Variants in ATP6V1C2 observed in about 807,000 individuals in gnomAD.
The protein encoded by ATP6V1C2 is ATPase H+ transporting V1 subunit C2.
ATP6V1C2 carries 45 observed loss-of-function variants against 56.8 expected under a neutral mutation model. The observed-to-expected ratio is 0.79, with a 90% CI of 0.62 to 1.02. ATP6V1C2 has a LOEUF of 1.02. Among genes scored for constraint, ATP6V1C2 ranks in the 50% least tolerant of loss-of-function variants. ATP6V1C2 has a pLI of 0.00. For missense variants in ATP6V1C2, 463 were observed against 519.7 expected, an observed-to-expected ratio of 0.89 and a Z score of 1.06; for synonymous variants, 220 against 201.3, an observed-to-expected ratio of 1.09 and a Z score of -0.79.
chr2:10,765,442 C>G (rs1664164076), intron 5 of ATP6V1C2, among the ~76,000 whole-genome samples: 1 of 152,254 alleles, frequency 6.6e-6, no homozygotes, highest in Admixed American at 6.5e-5. Flanking sequence ...GAGTCTCGGC[C>G]TGGGCCAGGA....
intron 12 of ATP6V1C2, among the ~76,000 whole-genome samples, chr2:10,779,662 G>A (rs1273426085): frequency 1.4e-5 from 2 of 143,150 alleles, no homozygotes; most frequent in Admixed American, 7.0e-5. Context: ...CTCGAGCCTG[G>A]GCAACAAGAG....
intron 8 of ATP6V1C2, among the ~76,000 whole-genome samples, chr2:10,774,073 A>G (rs1371125555): frequency 1.3e-5 from 2 of 152,262 alleles, no homozygotes; most frequent in African/African-American, 4.8e-5. Context: ...CTGGCCTCCC[A>G]GACCAGAGCC....
chr2:10,745,248 G>A (rs759457301), intron 3 of ATP6V1C2, among the ~76,000 whole-genome samples: 1 of 151,044 alleles, frequency 6.6e-6, no homozygotes, highest in South Asian at 2.1e-4. Flanking sequence ...ATGTTGGCCA[G>A]GCTCGTCTCA....
In ATP6V1C2 at chr2:10,731,058, C is replaced by T. The variant is rs187474263; in HGVS notation, c.197+4489C>T. Among the ~76,000 whole-genome samples the T allele has an allele frequency of 1.2e-3, 183 of 152,156 alleles. 1 individual carries two copies. The highest frequency in any genetic ancestry group is 3.1e-3 in the Admixed American group (48 of 15,278). ...CCTCCACCTCTCTGGCTCAAGTGAT[C>T]CTCCCGCCTCAGCCTCTCAAGTAGC... On this transcript the variant is annotated intron_variant, in intron 3 of 13. Transcript: ENST00000272238.
intron 3 of ATP6V1C2, among the ~76,000 whole-genome samples, chr2:10,751,203 G>A (rs1392097330): frequency 3.9e-5 from 6 of 152,090 alleles, no homozygotes; most frequent in Non-Finnish European, 8.8e-5. Context: ...AGAGGATTGA[G>A]GTCACTGGAA....
At chr2:10,776,524 CAA>C (rs1293080726) in intron 10 of ATP6V1C2, among the ~76,000 whole-genome samples, 9 of 152,188 alleles carry the variant, frequency 5.9e-5, no homozygotes, top group Non-Finnish European at 1.3e-4. Context: ...AGCTGAGCTC[CAA>C]AGTGTTTTCT....
chr2:10,735,258 C>A (rs1004045447), intron 3 of ATP6V1C2, among the ~76,000 whole-genome samples: 2 of 152,164 alleles, frequency 1.3e-5, no homozygotes, highest in African/African-American at 2.4e-5. Flanking sequence ...CTACCTCCCC[C>A]TCCTGGGTTC....
At position 10,774,959 on chromosome 2, in the gene ATP6V1C2, A is replaced by AT; in HGVS notation, c.732-18dup. 1 of 1,613,454 alleles carries AT rather than the reference A, an allele frequency of 6.2e-7. No individual in the cohort carries two copies. Among genetic ancestry groups the AT allele is most frequent in the Non-Finnish European group, 8.5e-7 (1 of 1,179,382 alleles). ...CTGGAAAGCTTCTGAGTGAAAACCC[A>AT]TGATTTGCTTGTTTTAAGGTTCACT... On this transcript the variant is annotated intron_variant, in intron 9 of 13. Coordinates refer to ENST00000272238, the MANE Select transcript of ATP6V1C2 (RefSeq NM_001039362.2).
At chr2:10,738,933 C>T (rs768378717) in intron 3 of ATP6V1C2, among the ~76,000 whole-genome samples, 14 of 152,186 alleles carry the variant, frequency 9.2e-5, no homozygotes, top group African/African-American at 2.2e-4. Context: ...CTTCTCAGCA[C>T]GTCCATCGAA....
At chr2:10,778,398 C>T in intron 11 of ATP6V1C2, 174 bp from the exon 12 acceptor site, 2 of 619,700 alleles carry the variant, frequency 3.2e-6, no homozygotes, top group South Asian at 3.9e-5. Flanking sequence ...ACCAGGTGCC[C>T]TGGACCTCGA....
chr2:10,756,653 G>A (rs1299353445), intron 4 of ATP6V1C2, among the ~76,000 whole-genome samples: 1 of 152,094 alleles, frequency 6.6e-6, no homozygotes, highest in Non-Finnish European at 1.5e-5. Flanking sequence ...GGGAGGCGGA[G>A]GTTGCAGTGA....
At chr2:10,772,089 C>T (rs1301399136) in intron 7 of ATP6V1C2, 152 bp downstream of exon 7, 3 of 697,690 alleles carry the variant, frequency 4.3e-6, no homozygotes, top group Non-Finnish European at 7.5e-6. Context: ...CTGCCTGCGG[C>T]TGTCAGTAGG....
intron 3 of ATP6V1C2, chr2:10,744,294 G>A (rs1319823548): frequency 1.3e-5 from 2 of 152,212 alleles, no homozygotes; most frequent in East Asian, 3.8e-4. Flanking sequence ...TCTCTAGTGA[G>A]GCTGTACCAA....
At position 10,779,429 on chromosome 2, in the gene ATP6V1C2, AT is replaced by A. The variant is rs1226831524; in HGVS notation, c.1061+761del. Among the ~76,000 whole-genome samples the A allele has an allele frequency of 6.9e-3, 467 of 68,064 alleles. 3 individuals are homozygous for A. Among genetic ancestry groups the A allele is most frequent in the African/African-American group, 0.017 (424 of 24,324 alleles). 44.7% of individuals were successfully genotyped at this position (68,064 alleles called of 152,430 possible). A position where few individuals can be genotyped will look rare whatever the true frequency, so the allele number is the denominator to read the frequency against. On this transcript the variant is annotated intron_variant, in intron 12 of 13. Coordinates refer to ENST00000272238, the MANE Select transcript of ATP6V1C2 (RefSeq NM_001039362.2). Reference sequence around the variant, plus strand: ...CGGCCTTTGCCTAATAAAAAAAAAAATATATATATATATGTATGTATATATA... The same window carrying A: ...CGGCCTTTGCCTAATAAAAAAAAAAAATATATATATATGTATGTATATATA...
At chr2:10,778,499 A>G in intron 11 of ATP6V1C2, 73 bp from the exon 12 acceptor site, 1 of 1,452,112 alleles carries the variant, frequency 6.9e-7, no homozygotes, top group Non-Finnish European at 9.6e-7. Flanking sequence ...CTCTGTCAAA[A>G]CCCAAGTCCT....
rs913380950 is a variant in ATP6V1C2, at chr2:10,769,149, G to A, written c.470+339G>A. Reference sequence around the variant, plus strand: ...TGCACGGAGGGCCCCCAGGGGTGACGGGAGGCCAGGATGTCAGCGCACGGC... The same window carrying A: ...TGCACGGAGGGCCCCCAGGGGTGACAGGAGGCCAGGATGTCAGCGCACGGC... On this transcript the variant is annotated intron_variant, in intron 6 of 13. Coordinates refer to ENST00000272238, the MANE Select transcript of ATP6V1C2 (RefSeq NM_001039362.2). 1.4e-4 allele frequency among the ~76,000 whole-genome samples: 21 copies of A among 152,346 alleles called. No homozygotes were observed. In the East Asian group the frequency reaches 3.7e-3, roughly 27 times the overall value.
intron 4 of ATP6V1C2, chr2:10,757,482 C>T (rs1386038318): frequency 2.5e-6 from 1 of 398,472 alleles, no homozygotes; most frequent in African/African-American, 2.1e-5. Flanking sequence ...TTTGCTGTGT[C>T]TGTGCTTGGC....
chr2:10,778,383 C>T, intron 11 of ATP6V1C2, 189 bp from the exon 12 acceptor site: 2 of 597,156 alleles, frequency 3.3e-6, no homozygotes, highest in Non-Finnish European at 5.9e-6. Flanking sequence ...CTGAGCTTCC[C>T]CGGCACCAGG....
Position 10,783,227 on chromosome 2 carries a change from T to C in ATP6V1C2, c.1248T>C (p.Tyr416=), listed in dbSNP as rs17364812. The change falls in exon 14 of 14, where the codon TAT becomes TAC. Residue 416 remains tyrosine (Y), a synonymous_variant. Transcript: ENST00000272238. The part of the protein sequence containing the change: ...LQLNNQDYFP[Y]VYFHIDLSLL... ...TCAATAACCAAGACTATTTTCCTTATGTCTACTTCCATATTGACCTTAGTC... is the reference window on the plus strand; with the variant it reads ...TCAATAACCAAGACTATTTTCCTTACGTCTACTTCCATATTGACCTTAGTC... 136,287 of 1,612,958 alleles carry C rather than the reference T, an allele frequency of 0.084. 6,634 individuals are homozygous for C. Among genetic ancestry groups the C allele is most frequent in the South Asian group, 0.15 (13,251 of 91,004 alleles).
Sources: allele counts gnomAD v4.1 joint callset (sites outside exome capture counted in the v4.1 genomes callset), GRCh38; gene constraint gnomAD v4.1.1; transcripts MANE v1.5; gene names NCBI Gene and HGNC (gene_info 2026-07-23, HGNC 2026-07-21).